STAU1: variants seen among roughly 807,000 people sequenced by gnomAD.
STAU1 encodes the protein staufen double-stranded RNA binding protein 1.
A neutral mutation model predicts 62.9 loss-of-function variants in STAU1; 13 were observed. The ratio of observed to expected loss-of-function variants is 0.21; its 90% CI spans 0.13 to 0.33. STAU1 has a LOEUF of 0.33. Among genes scored for constraint, STAU1 ranks in the 10% least tolerant of loss-of-function variants. The pLI, the probability that STAU1 is intolerant of heterozygous loss-of-function variation, is 1.00. For missense variants in STAU1, 571 were observed against 712.1 expected (o/e 0.80, Z 2.25); for synonymous variants, 269 against 265.1 (o/e 1.01, Z -0.14).
the STAU1 span, among the ~76,000 whole-genome samples, chr20:49,201,908 G>C: frequency 6.6e-6 from 1 of 151,924 alleles, no homozygotes; most frequent in African/African-American, 2.4e-5. Flanking sequence ...CCTCAAATCA[G>C]TAACCTAATT....
At chr20:49,118,265 T>A in intron 10 of STAU1, 68 bp downstream of exon 10, 1 of 1,462,704 alleles carries the variant, frequency 6.8e-7, no homozygotes, top group Non-Finnish European at 9.5e-7. Flanking sequence ...GGGCTCCTGC[T>A]GTTATTCAGG....
At chr20:49,115,111 G>T (rs1167254156) in intron 13 of STAU1, among the ~76,000 whole-genome samples, 4 of 151,004 alleles carry the variant, frequency 2.6e-5, no homozygotes, top group African/African-American at 9.8e-5. Context: ...AATGAGGGAA[G>T]AAATATATGT....
intron 1 of STAU1, among the ~76,000 whole-genome samples, chr20:49,178,900 C>T (rs1368591365): frequency 4.4e-5 from 6 of 135,514 alleles, no homozygotes; most frequent in Admixed American, 1.6e-4. Context: ...GGTGAAACAC[C>T]GTCTCCACTA....
chr20:49,203,966 G>A, the STAU1 span, among the ~76,000 whole-genome samples: 1 of 152,036 alleles, frequency 6.6e-6, no homozygotes, highest in African/African-American at 2.4e-5. Context: ...AACAGGCAAG[G>A]GCCACCTCGC....
intron 1 of STAU1, among the ~76,000 whole-genome samples, chr20:49,178,746 G>A (rs191197605): frequency 6.8e-6 from 1 of 148,094 alleles, no homozygotes; most frequent in East Asian, 2.0e-4. Context: ...GCGAGACTCT[G>A]CTTCAAAAAT....
the STAU1 span, among the ~76,000 whole-genome samples, chr20:49,205,458 C>T: frequency 2.7e-5 from 4 of 150,824 alleles, no homozygotes; most frequent in African/African-American, 9.8e-5. Flanking sequence ...CTCCGCCTCC[C>T]GGGTTCAAGA....
chr20:49,210,471 C>T, the STAU1 span: 2 of 455,966 alleles, frequency 4.4e-6, no homozygotes, highest in South Asian at 3.1e-5. Flanking sequence ...TTCTCTCTCT[C>T]CTTTTTTTCC....
chr20:49,159,114 TTG>T (rs2093411379), intron 3 of STAU1: 1 of 1,119,808 alleles, frequency 8.9e-7, no homozygotes, highest in East Asian at 8.4e-5. Flanking sequence ...ATCTTGGTGA[TTG>T]TCTCATGGAT....
the STAU1 span, among the ~76,000 whole-genome samples, chr20:49,206,962 G>T: frequency 6.6e-6 from 1 of 151,262 alleles, no homozygotes; most frequent in Admixed American, 6.6e-5. Flanking sequence ...CACCATGTTG[G>T]CCAGGATAGT....
At chr20:49,137,665 C>T (rs141421822) in intron 5 of STAU1, among the ~76,000 whole-genome samples, 59 of 151,832 alleles carry the variant, frequency 3.9e-4, no homozygotes, top group African/African-American at 1.4e-3. Context: ...TCCACCTACA[C>T]TCAACTTTTT....
chr20:49,151,687 T>A lies in STAU1; in HGVS notation c.405A>T (p.Gly135=), dbSNP rs768467166. The change falls in exon 5 of 14, where the codon GGA becomes GGT. Residue 135 remains glycine (G), a synonymous_variant. Coordinates refer to ENST00000371856, the MANE Select transcript of STAU1 (RefSeq NM_017453.4). ...LLYQVELSVG[G]QQFNGKGKTR... ...TCTTTCCTTTGCCATTAAATTGCTG[T>A]CCTCCCACAGAAAGTTCCACTTGAT... The A allele has an allele frequency of 6.2e-7, 1 of 1,611,484 alleles. No individual in the cohort carries two copies. The highest frequency in any genetic ancestry group is 8.5e-7 in the Non-Finnish European group (1 of 1,179,128).
intron 2 of STAU1, among the ~76,000 whole-genome samples, chr20:49,172,827 C>G (rs2093613628): frequency 6.6e-6 from 1 of 152,062 alleles, no homozygotes. Context: ...CAAAGCCTCA[C>G]TTGTAGCAAT....
At chr20:49,128,388 C>T (rs2092678854) in intron 6 of STAU1, among the ~76,000 whole-genome samples, 1 of 152,134 alleles carries the variant, frequency 6.6e-6, no homozygotes, top group Non-Finnish European at 1.5e-5. Context: ...TATCTCCTAA[C>T]CGAGAGCCAT....
intron 13 of STAU1, among the ~76,000 whole-genome samples, chr20:49,115,360 G>A (rs2092293236): frequency 6.6e-6 from 1 of 152,108 alleles, no homozygotes; most frequent in African/African-American, 2.4e-5. Context: ...GAGTGCAGTG[G>A]CGCTATGTCG....
chr20:49,163,182 C>G (rs1277145442), intron 3 of STAU1, among the ~76,000 whole-genome samples: 1 of 150,236 alleles, frequency 6.7e-6, no homozygotes, highest in Non-Finnish European at 1.5e-5. Context: ...CAGAGCGAGA[C>G]TCCATTTCAA....
chr20:49,166,017 G>T lies in STAU1; in HGVS notation c.185C>A (p.Thr62Lys). The part of the protein sequence containing the change: ...QNSALPSASI[T>K]STSAAAESIT... ...CTTACCTGCAGCTGCACTGGTGGAT[G>T]TAATAGATGCAGAGGGTAAAGCAGA... The change falls in exon 3 of 14, where the codon ACA becomes AAA. Residue 62 changes from threonine (T) to lysine (K), a missense_variant. Thr to Lys is a moderately conservative substitution (Grantham distance 78). Transcript: ENST00000371856. 2 of 1,614,188 alleles carry T rather than the reference G, an allele frequency of 1.2e-6. No individual in the cohort carries two copies. Among genetic ancestry groups the T allele is most frequent in the East Asian group, 2.2e-5 (1 of 44,890 alleles).
In STAU1 at chr20:49,118,774, A is replaced by G. The variant is rs149936079; in HGVS notation, c.1114-366T>C. ...GGAAAGAAGCTTTCAGACTGAAGCT[A>G]AACAAATAAATCAAGAATATTTCCT... On this transcript the variant is annotated intron_variant, in intron 9 of 13. Transcript: ENST00000371856. 4.8e-4 allele frequency among the ~76,000 whole-genome samples: 73 copies of G among 152,382 alleles called. 1 individual carries two copies. In the Middle Eastern group the frequency reaches 0.014, roughly 28 times the overall value.
chr20:49,126,577 A>AAAC (rs1555837190), intron 6 of STAU1, among the ~76,000 whole-genome samples: 2 of 35,042 alleles, frequency 5.7e-5, no homozygotes, highest in African/African-American at 2.9e-4. Context: ...CAAAAAGCAA[A>AAAC]AAAAAAAAAA....
chr20:49,148,232 C>T (rs961164608), intron 5 of STAU1, among the ~76,000 whole-genome samples: 1 of 152,128 alleles, frequency 6.6e-6, no homozygotes, highest in African/African-American at 2.4e-5. Flanking sequence ...ACTTTTTGAA[C>T]ACCAACACAA....
Sources: allele counts gnomAD v4.1 joint callset (sites outside exome capture counted in the v4.1 genomes callset), GRCh38; gene constraint gnomAD v4.1.1; transcripts MANE v1.5; gene names NCBI Gene and HGNC (gene_info 2026-07-23, HGNC 2026-07-21).